Variants in SERPINA6 observed in about 807,000 individuals in gnomAD.
SERPINA6 encodes the protein corticosteroid-binding globulin.
SERPINA6 carries 19 observed loss-of-function variants against 26.4 expected under a neutral mutation model. The observed-to-expected ratio is 0.72, with a 90% confidence interval of 0.50 to 1.06. The LOEUF (loss-of-function observed/expected upper bound fraction) is 1.06. Ranked by LOEUF, SERPINA6 falls within the 50% of genes least tolerant of loss-of-function variation. The pLI, the probability that SERPINA6 is intolerant of heterozygous loss-of-function variation, is 0.00. For missense variants in SERPINA6, 473 were observed against 504.0 expected (o/e 0.94, Z 0.59); for synonymous variants, 196 against 199.4 (o/e 0.98, Z 0.14).
At chr14:94,312,073 TCA>T (rs1486582739) in intron 2 of SERPINA6, among the ~76,000 whole-genome samples, 5 of 152,266 alleles carry the variant, frequency 3.3e-5, no homozygotes, top group Non-Finnish European at 7.3e-5. Context: ...TAGAAATATT[TCA>T]GAGTATTTTG....
intron 1 of SERPINA6, among the ~76,000 whole-genome samples, chr14:94,322,179 CAG>C (rs1895693131): frequency 6.6e-6 from 1 of 152,190 alleles, no homozygotes. Context: ...CCTATCTCTA[CAG>C]AGAGCAAAAT....
At chr14:94,304,662 A>G in intron 4 of SERPINA6, 59 bp from the exon 5 acceptor site, 1 of 1,444,562 alleles carries the variant, frequency 6.9e-7, no homozygotes, top group Non-Finnish European at 9.7e-7. Context: ...CGCTTTCCTG[A>G]CTCATTGCTG....
intron 1 of SERPINA6, among the ~76,000 whole-genome samples, chr14:94,315,816 A>G (rs572117255): frequency 3.3e-5 from 5 of 152,280 alleles, no homozygotes; most frequent in Non-Finnish European, 5.9e-5. Context: ...TTCATTTCCT[A>G]TATTACTGTC....
At position 94,305,642 on chromosome 14, in the gene SERPINA6, G is replaced by A. The variant is rs538500064; in HGVS notation, c.1032+429C>T. ...GGTGTTCAGTAAACATTTTCTGAAT[G>A]CATGAATAACAGAACATAAAGCTGA... On this transcript the variant is annotated intron_variant, in intron 4 of 4. Coordinates refer to ENST00000341584, the MANE Select transcript of SERPINA6 (RefSeq NM_001756.4). 3.9e-5 allele frequency among the ~76,000 whole-genome samples: 6 copies of A among 152,318 alleles called. No individual in the cohort carries two copies. The East Asian group carries it at 9.6e-4, about 24-fold the overall frequency.
At chr14:94,322,724 G>T (rs898525039) in intron 1 of SERPINA6, among the ~76,000 whole-genome samples, 2 of 152,206 alleles carry the variant, frequency 1.3e-5, no homozygotes, top group Non-Finnish European at 2.9e-5. Flanking sequence ...CTCATGACAT[G>T]TGGTACAGTG....
At chr14:94,310,506 G>T (rs1186397789) in intron 2 of SERPINA6, among the ~76,000 whole-genome samples, 1 of 152,172 alleles carries the variant, frequency 6.6e-6, no homozygotes, top group Non-Finnish European at 1.5e-5. Flanking sequence ...TGAAGAGTCA[G>T]GGTGAGAAGA....
At chr14:94,313,183 A>G (rs1296061909) in intron 2 of SERPINA6, among the ~76,000 whole-genome samples, 1 of 152,198 alleles carries the variant, frequency 6.6e-6, no homozygotes, top group Non-Finnish European at 1.5e-5. Context: ...GCAGTCAGAT[A>G]AGTTGCAAGA....
intron 1 of SERPINA6, among the ~76,000 whole-genome samples, chr14:94,317,999 A>C (rs1895635165): frequency 6.6e-6 from 1 of 152,258 alleles, no homozygotes; most frequent in South Asian, 2.1e-4. Context: ...TGCAAGATAT[A>C]AAATCAAAAC....
chr14:94,305,951 G>C (rs1189671775), intron 4 of SERPINA6, 120 bp downstream of exon 4: 19 of 1,109,082 alleles, frequency 1.7e-5, no homozygotes, highest in Non-Finnish European at 2.4e-5. Flanking sequence ...ACTCAACCTG[G>C]GGTTCTCAGC....
rs1346464277 is a variant in SERPINA6, at chr14:94,306,036, AG to A, written c.1032+34del. The A allele has an allele frequency of 2.5e-6, 4 of 1,612,622 alleles. No homozygotes were observed. The African/African-American group carries it at 4.0e-5, about 16-fold the overall frequency. On this transcript the variant is annotated intron_variant, in intron 4 of 4. Coordinates refer to ENST00000341584, the MANE Select transcript of SERPINA6 (RefSeq NM_001756.4). ...ATTATATTTATATTGTGAATTTTGG[AG>A]GGGGAAGAAAAGGTGGGTTCCCATG...
chr14:94,307,520 AAGAT>A (rs1290525836), intron 3 of SERPINA6, among the ~76,000 whole-genome samples: 5 of 152,256 alleles, frequency 3.3e-5, no homozygotes, highest in African/African-American at 1.2e-4. Flanking sequence ...GGTGTAAAGA[AAGAT>A]AGATAGTCCT....
Position 94,306,183 on chromosome 14 carries a change from G to A in SERPINA6, c.920C>T (p.Ser307Phe), listed in dbSNP as rs751190381. The change falls in exon 4 of 5, where the codon TCT becomes TTT. Residue 307 changes from serine to phenylalanine, a missense_variant. Coordinates refer to ENST00000341584, the MANE Select transcript of SERPINA6 (RefSeq NM_001756.4). ...VDLYIPKVTI[S>F]GVYDLGDVLE... ...CACATCTCCGAGGTCATAGACTCCA[G>A]AGATGGTGACCTTTGGAATGTACAG... is the stretch of plus-strand genomic sequence containing the variant. 1 of 1,614,178 alleles carries A rather than the reference G, an allele frequency of 6.2e-7. No individual in the cohort carries two copies. Among genetic ancestry groups the A allele is most frequent in the Non-Finnish European group, 8.5e-7 (1 of 1,180,018 alleles).
chr14:94,314,301 A>C lies in SERPINA6; in HGVS notation c.348T>G (p.Phe116Leu), dbSNP rs1460592467. The change falls in exon 2 of 5, where the codon TTT becomes TTG. Residue 116 changes from phenylalanine (F) to leucine (L), a missense_variant. Phe to Leu is a conservative substitution (Grantham distance 22). Coordinates refer to ENST00000341584, the MANE Select transcript of SERPINA6 (RefSeq NM_001756.4). Reference protein sequence around the residue: ...HQGFQHLHQLFAKSDTSLEMT... With the variant: ...HQGFQHLHQLLAKSDTSLEMT... ...TTTCTAAGCTGGTGTCTGACTTTGC[A>C]AAGAGTTGGTGCAGGTGCTGGAAAC... is the stretch of plus-strand genomic sequence containing the variant. 6.2e-7 allele frequency: 1 copy of C among 1,614,042 alleles called. No homozygotes were observed. The highest frequency in any genetic ancestry group is 8.5e-7 in the Non-Finnish European group (1 of 1,180,048).
chr14:94,312,494 A>C (rs1895545980), intron 2 of SERPINA6, among the ~76,000 whole-genome samples: 2 of 152,230 alleles, frequency 1.3e-5, no homozygotes, highest in Non-Finnish European at 2.9e-5. Flanking sequence ...AAAGAGACAA[A>C]GATACCCTGC....
chr14:94,309,000 A>G (rs1474022137), intron 3 of SERPINA6, among the ~76,000 whole-genome samples: 2 of 152,140 alleles, frequency 1.3e-5, no homozygotes, highest in Non-Finnish European at 2.9e-5. Context: ...TCACTCACCC[A>G]TCCATTCATT....
intron 2 of SERPINA6, among the ~76,000 whole-genome samples, chr14:94,312,311 C>A (rs1337072865): frequency 1.3e-5 from 2 of 152,184 alleles, no homozygotes; most frequent in African/African-American, 2.4e-5. Flanking sequence ...GCACCCGTTC[C>A]ACCAACACCC....
chr14:94,309,581 A>T (rs1342380600), intron 3 of SERPINA6, among the ~76,000 whole-genome samples, 155 bp downstream of exon 3: 2 of 152,202 alleles, frequency 1.3e-5, no homozygotes, highest in Non-Finnish European at 2.9e-5. Context: ...GATTAGGGAA[A>T]CTTACAGCCT....
intron 3 of SERPINA6, 141 bp downstream of exon 3, chr14:94,309,595 G>C: frequency 1.1e-6 from 1 of 888,920 alleles, no homozygotes; most frequent in Non-Finnish European, 1.8e-6. Flanking sequence ...ACAGCCTTTG[G>C]GGGCCCAGCA....
In SERPINA6 at chr14:94,309,815, C is replaced by T. The variant is rs1401005982; in HGVS notation, c.805G>A (p.Asp269Asn). 4 of 1,614,066 alleles carry T rather than the reference C, an allele frequency of 2.5e-6. No homozygotes were observed. The African/African-American group carries it at 5.3e-5, about 22-fold the overall frequency. The change falls in exon 3 of 5, where the codon GAC becomes AAC. Residue 269 changes from aspartate to asparagine, a missense_variant. Transcript: ENST00000341584. ...ATGACTGTGTTCATCTTCCCCTTGT[C>T]CGGAAGGATGAAGAAGACAGTCCCA... ...GNGTVFFILPDKGKMNTVIAA... is the reference protein window; with the variant it reads ...GNGTVFFILPNKGKMNTVIAA...
Sources: gnomAD v4.1 joint callset for allele counts (sites outside exome capture counted in the v4.1 genomes callset) on GRCh38, gnomAD v4.1.1 for gene constraint, MANE v1.5 for transcripts, NCBI Gene and HGNC (gene_info 2026-07-23, HGNC 2026-07-21) for gene names.